Variants in CNKSR3 observed in about 807,000 individuals in gnomAD.
CNKSR3 encodes connector enhancer of kinase suppressor of ras 3.
A neutral mutation model predicts 67.7 loss-of-function variants in CNKSR3; 36 were observed. The observed-to-expected ratio is 0.53, with a 90% CI of 0.41 to 0.70. CNKSR3 has a LOEUF of 0.70. CNKSR3 is among the 30% of genes least tolerant of loss of function. The pLI is 0.00. For missense variants in CNKSR3, 630 were observed against 695.2 expected (o/e 0.91, Z 1.05); for synonymous variants, 281 against 271.4 (o/e 1.04, Z -0.35).
Position 154,510,065 on chromosome 6 carries a change from C to G in CNKSR3, c.50G>C (p.Arg17Thr). Residue 17 changes from arginine to threonine, a missense_variant and splice_region_variant, in exon 1 of 13, where the codon AGA (arginine) becomes ACA (threonine). By Grantham distance (71) the Arg-to-Thr change is moderately conservative. This residue lies in a region of CNKSR3 where 189 missense variants were observed against 205.0 expected (regional missense o/e 0.92). Coordinates refer to ENST00000607772, the MANE Select transcript of CNKSR3 (RefSeq NM_173515.4). Reference sequence around the variant, plus strand: ...GGACCCCCCCAAGGCCCGCGCACCTCTAGTCCAGTCCACCACTTGTTTGGG... The same window carrying G: ...GGACCCCCCCAAGGCCCGCGCACCTGTAGTCCAGTCCACCACTTGTTTGGG... ...WSPKQVVDWT[R>T]GLDDCLQQYV... The G allele has an allele frequency of 6.2e-7, 1 of 1,614,094 alleles. No individual in the cohort carries two copies. Among genetic ancestry groups the G allele is most frequent in the South Asian group, 1.1e-5 (1 of 91,076 alleles).
At chr6:154,480,718 C>T (rs181486729) in intron 1 of CNKSR3, among the ~76,000 whole-genome samples, 1 of 152,208 alleles carries the variant, frequency 6.6e-6, no homozygotes, top group Non-Finnish European at 1.5e-5. Flanking sequence ...AGATATACCA[C>T]GTTCTTGACC....
intron 1 of CNKSR3, among the ~76,000 whole-genome samples, chr6:154,460,325 T>A (rs570657244): frequency 6.6e-6 from 1 of 152,194 alleles, no homozygotes; most frequent in African/African-American, 2.4e-5. Context: ...TATGAGGAGC[T>A]TGAAAGATAA....
chr6:154,504,118 A>T (rs1177742740), intron 1 of CNKSR3, among the ~76,000 whole-genome samples: 2 of 152,188 alleles, frequency 1.3e-5, no homozygotes, highest in Non-Finnish European at 2.9e-5. Context: ...TGACAGCAAA[A>T]ACCATCCTAT....
intron 2 of CNKSR3, among the ~76,000 whole-genome samples, chr6:154,442,818 TTCTTGATAGTTCC>T (rs1210327735): frequency 6.6e-6 from 1 of 152,158 alleles, no homozygotes; most frequent in East Asian, 1.9e-4. Context: ...AGGGACTTTG[TTCTTGATAGTTCC>T]TCTTCCCCAA....
intron 7 of CNKSR3, among the ~76,000 whole-genome samples, chr6:154,425,269 G>A (rs1785233420): frequency 1.3e-5 from 2 of 152,192 alleles, no homozygotes; most frequent in South Asian, 4.1e-4. Context: ...CCAAGGCTAG[G>A]AAGTCCCTGT....
At position 154,402,791 on chromosome 6, in the gene CNKSR3, G is replaced by A. The variant is rs1784732224; in HGVS notation, c.*3563C>T. 6.6e-6 allele frequency: 1 copy of A among 152,174 alleles called. No individual in the cohort carries two copies. Among genetic ancestry groups the A allele is most frequent in the Admixed American group, 6.5e-5 (1 of 15,278 alleles). The allele number at this position is 152,174 out of a possible 1,614,324, so 9.4% of individuals were successfully genotyped here. A position where few individuals can be genotyped will look rare whatever the true frequency, so the allele number is the denominator to read the frequency against. ...CCTTTCCTGGTATTGAACTGCCAAT[G>A]CAGCAGGTCTGAATTGGTAACTACC... On this transcript the variant is annotated 3_prime_UTR_variant, in exon 13 of 13. Coordinates refer to ENST00000607772, the MANE Select transcript of CNKSR3 (RefSeq NM_173515.4).
At position 154,391,345 on chromosome 6, in the gene CNKSR3, TC is replaced by T. The variant is rs2128707955; in HGVS notation, c.*15008del. 6.6e-6 allele frequency: 1 copy of T among 152,270 alleles called. No homozygotes were observed. Among genetic ancestry groups the T allele is most frequent in the South Asian group, 2.1e-4 (1 of 4,818 alleles). 9.4% of individuals were successfully genotyped at this position (152,270 alleles called of 1,614,324 possible). On this transcript the variant is annotated 3_prime_UTR_variant, in exon 13 of 13. Transcript: ENST00000607772. ...ACCTCCTGGGTTCACACCATTCTCC[TC>T]CCTCAACTTCCCAAGTAGCTGAGAC...
At chr6:154,431,440 CAAAA>C (rs34060385) in intron 5 of CNKSR3, among the ~76,000 whole-genome samples, 29,414 of 93,524 alleles carry the variant, frequency 0.31, 3,916 homozygotes, top group East Asian at 0.47. Flanking sequence ...GAGACTCTGT[CAAAA>C]AAAAAAAAAA....
Position 154,411,107 on chromosome 6 carries a change from C to T in CNKSR3, c.1106G>A (p.Ser369Asn), listed in dbSNP as rs377522834. ...ENGSFVYGGSSKCKQPLPGPK... is the reference protein window; with the variant it reads ...ENGSFVYGGSNKCKQPLPGPK... ...ACCAGGCAATGGTTGTTTGCACTTA[C>T]TGGACCCTCCATAAACAAAACTGCC... Residue 369 changes from serine (S) to asparagine (N), a missense_variant, in exon 11 of 13, where the codon AGT (serine) becomes AAT (asparagine). Ser to Asn is a conservative substitution (Grantham distance 46). Coordinates refer to ENST00000607772, the MANE Select transcript of CNKSR3 (RefSeq NM_173515.4). The T allele has an allele frequency of 6.2e-7, 1 of 1,613,746 alleles. No homozygotes were observed. Among genetic ancestry groups the T allele is most frequent in the Non-Finnish European group, 8.5e-7 (1 of 1,179,696 alleles).
chr6:154,454,584 C>T lies in CNKSR3; in HGVS notation c.53-4326G>A, dbSNP rs112128270. On this transcript the variant is annotated intron_variant, in intron 1 of 12. Coordinates refer to ENST00000607772, the MANE Select transcript of CNKSR3 (RefSeq NM_173515.4). The stretch of plus-strand genomic sequence containing the variant: ...AGGGTCTCACTGCAGCATAGCAGCA[C>T]GATCATAGCTCACTGCAGCCTTGAA... 3.4e-4 allele frequency among the ~76,000 whole-genome samples: 51 copies of T among 152,232 alleles called. No individual in the cohort carries two copies. In the East Asian group the frequency reaches 5.0e-3, roughly 15 times the overall value.
In CNKSR3 at chr6:154,396,279, T is replaced by C. The variant is rs568624923; in HGVS notation, c.*10075A>G. On this transcript the variant is annotated 3_prime_UTR_variant, in exon 13 of 13. Coordinates refer to ENST00000607772, the MANE Select transcript of CNKSR3 (RefSeq NM_173515.4). ...CTGTAATCCTGTAACCAAAGAAGCG[T>C]TGTTGATGGCCAAGGCTTATTCTTC... 6.6e-5 allele frequency: 10 copies of C among 152,158 alleles called. No homozygotes were observed. The highest frequency in any genetic ancestry group is 9.7e-5 in the African/African-American group (4 of 41,438). The allele number at this position is 152,158 out of a possible 1,614,324, so 9.4% of individuals were successfully genotyped here.
At chr6:154,462,522 A>G (rs1450194878) in intron 1 of CNKSR3, among the ~76,000 whole-genome samples, 1 of 152,148 alleles carries the variant, frequency 6.6e-6, no homozygotes, top group Non-Finnish European at 1.5e-5. Flanking sequence ...TCCAAGCCCT[A>G]CTGGCTTCCC....
rs1784627425 is a variant in CNKSR3, at chr6:154,393,314, A to G, written c.*13040T>C. 1 of 152,224 alleles carries G rather than the reference A, an allele frequency of 6.6e-6. No individual in the cohort carries two copies. The highest frequency in any genetic ancestry group is 1.5e-5 in the Non-Finnish European group (1 of 68,046). The allele number at this position is 152,224 out of a possible 1,614,324, so 9.4% of individuals were successfully genotyped here. ...GCTAATTTAACCTCATACACATAAT[A>G]TACCAGATCCCACTGATCGTTCTAG... On this transcript the variant is annotated 3_prime_UTR_variant, in exon 13 of 13. Coordinates refer to ENST00000607772, the MANE Select transcript of CNKSR3 (RefSeq NM_173515.4).
At chr6:154,423,142 T>C (rs9479846) in intron 7 of CNKSR3, among the ~76,000 whole-genome samples, 159 bp from the exon 8 acceptor site, 12,263 of 152,314 alleles carry the variant, frequency 0.081, 1,028 homozygotes, top group African/African-American at 0.22. Flanking sequence ...ACACAGTCTA[T>C]AGGACCTTAA....
Position 154,406,543 on chromosome 6 carries a change from C to G in CNKSR3, c.1479G>C (p.Leu493=). The G allele has an allele frequency of 6.2e-7, 1 of 1,614,232 alleles. No individual in the cohort carries two copies. The highest frequency in any genetic ancestry group is 8.5e-7 in the Non-Finnish European group (1 of 1,180,032). Residue 493 remains leucine, a synonymous_variant, in exon 13 of 13, where the codon CTG becomes CTC. Coordinates refer to ENST00000607772, the MANE Select transcript of CNKSR3 (RefSeq NM_173515.4). Reference sequence around the variant, plus strand: ...CTCGGATGTAGTCCGCACCCCGGACCAGATGCCGCTCGGTCGTGGGTCTGG... The same window carrying G: ...CTCGGATGTAGTCCGCACCCCGGACGAGATGCCGCTCGGTCGTGGGTCTGG... ...RFSRPTTERH[L]VRGADYIRGS... is the part of the protein sequence containing the mutation.
Position 154,406,604 on chromosome 6 carries a change from A to C in CNKSR3, c.1418T>G (p.Ile473Ser). 1 of 1,614,124 alleles carries C rather than the reference A, an allele frequency of 6.2e-7. No individual in the cohort carries two copies. The highest frequency in any genetic ancestry group is 2.2e-5 in the East Asian group (1 of 44,872). The change falls in exon 13 of 13, where the codon ATC (isoleucine) becomes AGC (serine). Residue 473 changes from isoleucine to serine, a missense_variant. Ile to Ser is a moderately radical substitution (Grantham distance 142, BLOSUM62 -2). Transcript: ENST00000607772. The stretch of plus-strand genomic sequence containing the variant: ...TGGGGGAGAGGAGCTCTCTTCAATG[A>C]TCGGAGGAATCCGCTCGTTACTGAA... ...RYFSNERIPP[I>S]IEESSSPPYR...
chr6:154,470,142 A>G (rs1446102806), intron 1 of CNKSR3, among the ~76,000 whole-genome samples: 4 of 105,542 alleles, frequency 3.8e-5, no homozygotes, highest in Non-Finnish European at 8.2e-5. Context: ...ATCATTCTTT[A>G]TTTCTTATTC....
At position 154,422,631 on chromosome 6, in the gene CNKSR3, G is replaced by T; in HGVS notation, c.820C>A (p.Leu274Met). The T allele has an allele frequency of 6.2e-7, 1 of 1,613,502 alleles. No homozygotes were observed. Among genetic ancestry groups the T allele is most frequent in the South Asian group, 1.1e-5 (1 of 91,046 alleles). ...QTVVGWQLKN[L>M]VKKLRENPTG... ...GGATTCTCTCTCAATTTCTTCACCAGATTTTTCAGCTGCCATCCCACCTTC... is the reference window on the plus strand; with the variant it reads ...GGATTCTCTCTCAATTTCTTCACCATATTTTTCAGCTGCCATCCCACCTTC... The change falls in exon 9 of 13, where the codon CTG becomes ATG. Residue 274 changes from leucine (L) to methionine (M), a missense_variant. By Grantham distance (15) the Leu-to-Met change is conservative. Around this residue, in one of 3 missense-constraint regions of CNKSR3, gnomAD observed 133 missense variants for 190.6 expected, o/e 0.70. Coordinates refer to ENST00000607772, the MANE Select transcript of CNKSR3 (RefSeq NM_173515.4).
At chr6:154,491,038 G>C (rs774014451) in intron 1 of CNKSR3, among the ~76,000 whole-genome samples, 4 of 151,958 alleles carry the variant, frequency 2.6e-5, no homozygotes, top group Non-Finnish European at 4.4e-5. Flanking sequence ...GTAGAGATGA[G>C]GTTTCTCCAT....
Sources: allele counts gnomAD v4.1 joint callset (sites outside exome capture counted in the v4.1 genomes callset), GRCh38; gene constraint gnomAD v4.1.1; regional missense constraint gnomAD v4.1.1; transcripts MANE v1.5; gene names NCBI Gene and HGNC (gene_info 2026-07-23, HGNC 2026-07-21).